TDRD9: variants seen among roughly 807,000 people sequenced by gnomAD.
The protein encoded by TDRD9 is tudor domain containing 9.
In TDRD9, 124 loss-of-function variants were observed where a neutral mutation model predicts 172.6. The observed-to-expected ratio is 0.72, with a 90% CI of 0.62 to 0.83. TDRD9 has a LOEUF of 0.83. TDRD9 is among the 40% of genes least tolerant of loss of function. The pLI, the probability that TDRD9 is intolerant of heterozygous loss-of-function variation, is 0.00. For missense variants in TDRD9, 1,479 were observed against 1,714.1 expected (o/e 0.86, Z 2.42); for synonymous variants, 619 against 617.1 (o/e 1.00, Z -0.05).
At chr14:103,999,167 A>C (rs867869565) in intron 13 of TDRD9, among the ~76,000 whole-genome samples, 46 of 152,128 alleles carry the variant, frequency 3.0e-4, no homozygotes, top group African/African-American at 1.1e-3. Flanking sequence ...ACGAGTTTTA[A>C]GTTTTTAGCA....
intron 6 of TDRD9, among the ~76,000 whole-genome samples, chr14:103,973,378 C>A (rs192313577): frequency 1.3e-5 from 2 of 152,158 alleles, no homozygotes; most frequent in African/African-American, 4.8e-5. Context: ...TCCTCTCCCC[C>A]CAACCTTTAG....
At chr14:104,012,179 A>T (rs908326886) in intron 20 of TDRD9, among the ~76,000 whole-genome samples, 1 of 152,180 alleles carries the variant, frequency 6.6e-6, no homozygotes, top group Non-Finnish European at 1.5e-5. Context: ...TGTTACCCTC[A>T]TGGCCCAAGG....
Position 104,031,153 on chromosome 14 carries a change from A to G in TDRD9, c.3328A>G (p.Asn1110Asp), listed in dbSNP as rs2035267684. 2 of 1,551,708 alleles carry G rather than the reference A, an allele frequency of 1.3e-6. No individual in the cohort carries two copies. The highest frequency in any genetic ancestry group is 4.9e-5 in the East Asian group (2 of 40,914). Reference protein sequence around the residue: ...LKGLFSKSVENMTDGSVPFPM... With the variant: ...LKGLFSKSVEDMTDGSVPFPM... Reference sequence around the variant, plus strand: ...GGGCCTCTTTTCCAAGTCAGTAGAAAACATGACAGATGGCTCTGTGCCCTT... The same window carrying G: ...GGGCCTCTTTTCCAAGTCAGTAGAAGACATGACAGATGGCTCTGTGCCCTT... The change falls in exon 29 of 36, where the codon AAC (asparagine) becomes GAC (aspartate). Residue 1110 changes from asparagine to aspartate, a missense_variant. Transcript: ENST00000409874.
At chr14:104,040,473 C>T in intron 33 of TDRD9, 139 bp downstream of exon 33, 2 of 963,174 alleles carry the variant, frequency 2.1e-6, no homozygotes, top group Non-Finnish European at 2.8e-6. Context: ...CGTTCCTTGT[C>T]CCTCCTGGAG....
intron 8 of TDRD9, among the ~76,000 whole-genome samples, chr14:103,989,868 C>G (rs1227800988): frequency 6.6e-6 from 1 of 152,272 alleles, no homozygotes; most frequent in Non-Finnish European, 1.5e-5. Flanking sequence ...CAGGCAGGGC[C>G]TCTTGCCCGT....
chr14:103,958,726 G>A (rs1353106540), intron 2 of TDRD9, among the ~76,000 whole-genome samples: 1 of 152,192 alleles, frequency 6.6e-6, no homozygotes, highest in Admixed American at 6.5e-5. Context: ...CAGAGCCTCC[G>A]GAAGGATCCA....
chr14:103,937,264 G>T (rs1472707892), intron 1 of TDRD9, among the ~76,000 whole-genome samples: 8 of 152,092 alleles, frequency 5.3e-5, no homozygotes, highest in African/African-American at 2.4e-5. Context: ...TGCTGCTCTC[G>T]CTGTGCTCTG....
intron 13 of TDRD9, among the ~76,000 whole-genome samples, chr14:104,003,372 A>T (rs2034326236): frequency 1.3e-5 from 2 of 152,210 alleles, no homozygotes; most frequent in Non-Finnish European, 2.9e-5. Flanking sequence ...TAGATAAAAA[A>T]TTTTAATAGT....
At chr14:103,956,944 CTCCTG>C (rs1336821311) in intron 2 of TDRD9, among the ~76,000 whole-genome samples, 1 of 152,136 alleles carries the variant, frequency 6.6e-6, no homozygotes, top group Non-Finnish European at 1.5e-5. Context: ...GAAGCTCTGC[CTCCTG>C]TCCTGCCATC....
intron 1 of TDRD9, among the ~76,000 whole-genome samples, chr14:103,935,487 T>A (rs1242761003): frequency 6.6e-6 from 1 of 152,140 alleles, no homozygotes; most frequent in Non-Finnish European, 1.5e-5. Context: ...AATTAGTTTG[T>A]GGGGGGATAC....
chr14:104,008,395 G>C lies in TDRD9; in HGVS notation c.2053-18G>C, dbSNP rs1269039992. 1 of 1,369,240 alleles carries C rather than the reference G, an allele frequency of 7.3e-7. No homozygotes were observed. Among genetic ancestry groups the C allele is most frequent in the East Asian group, 2.3e-5 (1 of 43,314 alleles). 84.8% of individuals were successfully genotyped at this position (1,369,240 alleles called of 1,614,324 possible). ...TTATTACCTTAATATTGAGTATTCT[G>C]CTTTTATATATTTAAAGGATGAACT... is the stretch of plus-strand genomic sequence containing the variant. On this transcript the variant is annotated intron_variant, in intron 19 of 35. Transcript: ENST00000409874.
intron 7 of TDRD9, among the ~76,000 whole-genome samples, chr14:103,976,077 C>G (rs2033228583): frequency 6.6e-6 from 1 of 152,132 alleles, no homozygotes; most frequent in Non-Finnish European, 1.5e-5. Context: ...TTTCTACTTT[C>G]TCCTTCCGTG....
At chr14:104,046,815 T>C (rs2035793749) in intron 34 of TDRD9, among the ~76,000 whole-genome samples, 1 of 151,976 alleles carries the variant, frequency 6.6e-6, no homozygotes, top group Non-Finnish European at 1.5e-5. Flanking sequence ...CTGGCTAATT[T>C]TTTTGTATTT....
At position 103,928,472 on chromosome 14, in the gene TDRD9, C is replaced by G. The variant is rs1318624424; in HGVS notation, c.-38C>G. On this transcript the variant is annotated 5_prime_UTR_variant, in exon 1 of 36. Transcript: ENST00000409874. ...CCGTCGCCTGTTCCCGCCGCGGAGA[C>G]CCGGCAGTTGGGGGATGCCGACGCC... The G allele has an allele frequency of 2.2e-5, 31 of 1,426,772 alleles. No homozygotes were observed. Among genetic ancestry groups the G allele is most frequent in the Non-Finnish European group, 2.7e-5 (29 of 1,080,756 alleles). The allele number at this position is 1,426,772 out of a possible 1,614,324, so 88.4% of individuals were successfully genotyped here.
At chr14:104,045,673 G>A (rs997715172) in intron 34 of TDRD9, among the ~76,000 whole-genome samples, 1 of 152,152 alleles carries the variant, frequency 6.6e-6, no homozygotes, top group Non-Finnish European at 1.5e-5. Context: ...GGAAGGCTGG[G>A]CATAATAAGG....
At chr14:103,967,517 T>C (rs2032804309) in intron 5 of TDRD9, among the ~76,000 whole-genome samples, 1 of 152,096 alleles carries the variant, frequency 6.6e-6, no homozygotes, top group Admixed American at 6.6e-5. Flanking sequence ...AGAGTGAGAC[T>C]GCGTTGGAAA....
rs149194600 is a variant in TDRD9, at chr14:104,025,911, G to A, written c.2931+135G>A. 29 of 978,298 alleles carry A rather than the reference G, an allele frequency of 3.0e-5. No individual in the cohort carries two copies. The African/African-American group carries it at 4.1e-4, about 14-fold the overall frequency. 60.6% of individuals were successfully genotyped at this position (978,298 alleles called of 1,614,324 possible). A position where few individuals can be genotyped will look rare whatever the true frequency, so the allele number is the denominator to read the frequency against. On this transcript the variant is annotated intron_variant, in intron 26 of 35. Transcript: ENST00000409874. Reference sequence around the variant, plus strand: ...AGCAAAGTAGTCTGTTTCCCTCATTGATATGTGGATTTAAGCTCAGGTCAC... The same window carrying A: ...AGCAAAGTAGTCTGTTTCCCTCATTAATATGTGGATTTAAGCTCAGGTCAC...
chr14:104,023,811 G>T (rs2035035512), intron 24 of TDRD9, among the ~76,000 whole-genome samples: 1 of 152,196 alleles, frequency 6.6e-6, no homozygotes, highest in African/African-American at 2.4e-5. Context: ...GAGAGTTTGG[G>T]AGTGTAGTGG....
intron 34 of TDRD9, among the ~76,000 whole-genome samples, chr14:104,045,540 G>A (rs1381431782): frequency 2.0e-5 from 3 of 152,114 alleles, no homozygotes; most frequent in Non-Finnish European, 4.4e-5. Context: ...TCACCATTGT[G>A]TAGCTTGTCT....
Sources: gnomAD v4.1 joint callset for allele counts (sites outside exome capture counted in the v4.1 genomes callset) on GRCh38, gnomAD v4.1.1 for gene constraint, MANE v1.5 for transcripts, NCBI Gene and HGNC (gene_info 2026-07-23, HGNC 2026-07-21) for gene names.